PLS1: variants seen among roughly 807,000 people sequenced by gnomAD.
The protein encoded by PLS1 is plastin-1.
Under a neutral mutation model 73.7 loss-of-function variants are expected in PLS1, and 32 were observed. The observed-to-expected ratio is 0.43, with a 90% CI of 0.33 to 0.58. The LOEUF (loss-of-function observed/expected upper bound fraction) is 0.58, where lower values mean the gene tolerates loss of function less well. Ranked by LOEUF, PLS1 falls within the 20% of genes least tolerant of loss-of-function variation. The pLI is 0.04. For missense variants in PLS1, 633 were observed against 740.5 expected (o/e 0.85, Z 1.68); for synonymous variants, 217 against 261.3 (o/e 0.83, Z 1.63).
intron 1 of PLS1, among the ~76,000 whole-genome samples, chr3:142,610,699 G>A (rs1368533730): frequency 6.6e-6 from 1 of 152,074 alleles, no homozygotes; most frequent in East Asian, 1.9e-4. Flanking sequence ...AGAATGATAG[G>A]ATGACAAAGA....
chr3:142,671,357 T>C (rs2037600978), intron 4 of PLS1, among the ~76,000 whole-genome samples: 1 of 152,198 alleles, frequency 6.6e-6, no homozygotes, highest in Non-Finnish European at 1.5e-5. Flanking sequence ...GAGTTCCTGC[T>C]GTGTATCAGG....
intron 1 of PLS1, among the ~76,000 whole-genome samples, chr3:142,637,275 GAAGAA>G (rs1295937651): frequency 6.6e-6 from 1 of 152,098 alleles, no homozygotes; most frequent in Non-Finnish European, 1.5e-5. Flanking sequence ...AAAGAAGCCA[GAAGAA>G]AAGAGTATGT....
At chr3:142,708,967 C>A (rs7620319) in intron 14 of PLS1, among the ~76,000 whole-genome samples, 10,665 of 152,128 alleles carry the variant, frequency 0.07, 1,222 homozygotes, top group African/African-American at 0.24. Context: ...GGGAAAAATA[C>A]TTGTTTCCTA....
chr3:142,658,585 T>A (rs141392934), intron 1 of PLS1, among the ~76,000 whole-genome samples: 42 of 152,334 alleles, frequency 2.8e-4, no homozygotes, highest in African/African-American at 8.9e-4. Context: ...GTTATTCTCA[T>A]GTATGTTTAA....
intron 12 of PLS1, chr3:142,698,477 A>T (rs1267213431): frequency 6.6e-6 from 1 of 152,542 alleles, no homozygotes; most frequent in African/African-American, 2.4e-5. Flanking sequence ...GTTGGTCCTC[A>T]GGAAAGCCTA....
chr3:142,632,347 AAAC>A (rs2036583780), intron 1 of PLS1, among the ~76,000 whole-genome samples: 1 of 152,190 alleles, frequency 6.6e-6, no homozygotes, highest in African/African-American at 2.4e-5. Context: ...TCATAAGAGA[AAAC>A]AAATATGCAT....
chr3:142,690,454 T>G (rs866396342), intron 10 of PLS1, among the ~76,000 whole-genome samples: 7 of 152,204 alleles, frequency 4.6e-5, no homozygotes, highest in African/African-American at 1.4e-4. Context: ...GTTATTTCTC[T>G]CTTAATATGC....
intron 14 of PLS1, among the ~76,000 whole-genome samples, chr3:142,706,406 AGAGAAAGGG>A (rs2038463376): frequency 6.6e-6 from 1 of 152,152 alleles, no homozygotes; most frequent in African/African-American, 2.4e-5. Context: ...GAATTAGTGG[AGAGAAAGGG>A]GGATAACAAA....
intron 4 of PLS1, among the ~76,000 whole-genome samples, chr3:142,675,268 GA>G (rs1205693095): frequency 2.6e-5 from 4 of 152,082 alleles, no homozygotes; most frequent in Non-Finnish European, 5.9e-5. Context: ...TTAGCTTTCA[GA>G]AGCAATACAT....
intron 1 of PLS1, among the ~76,000 whole-genome samples, chr3:142,598,266 T>A (rs540882911): frequency 4.6e-5 from 7 of 152,218 alleles, no homozygotes; most frequent in Non-Finnish European, 8.8e-5. Flanking sequence ...GGTTAAAGCC[T>A]ATGACTTAAA....
At position 142,613,246 on chromosome 3, in the gene PLS1, G is replaced by A. The variant is rs546133598; in HGVS notation, c.-37+16737G>A. Among the ~76,000 whole-genome samples, 4 of 152,244 alleles carry A rather than the reference G, an allele frequency of 2.6e-5. No individual in the cohort carries two copies. In the South Asian group the frequency reaches 6.2e-4, roughly 24 times the overall value. ...TAATCCCAGCACTTTGAGATGCCAA[G>A]GAGGGCAGATCACTTGTGGCCAGGA... On this transcript the variant is annotated intron_variant, in intron 1 of 15. Transcript: ENST00000457734.
At chr3:142,605,870 A>G (rs188312142) in intron 1 of PLS1, among the ~76,000 whole-genome samples, 20 of 152,338 alleles carry the variant, frequency 1.3e-4, no homozygotes, top group Admixed American at 1.0e-3. Context: ...CTTCCTGCTA[A>G]TGTACATCTG....
At chr3:142,613,784 C>T (rs2036165098) in intron 1 of PLS1, among the ~76,000 whole-genome samples, 1 of 151,998 alleles carries the variant, frequency 6.6e-6, no homozygotes, top group Non-Finnish European at 1.5e-5. Context: ...TCTTTGTACA[C>T]TTTTATTGCA....
intron 12 of PLS1, among the ~76,000 whole-genome samples, chr3:142,702,492 T>C (rs2038351401): frequency 6.6e-6 from 1 of 152,244 alleles, no homozygotes; most frequent in Non-Finnish European, 1.5e-5. Context: ...TTTGTAATGG[T>C]ACCTTAACTA....
intron 1 of PLS1, among the ~76,000 whole-genome samples, chr3:142,649,391 T>C (rs905859780): frequency 7.0e-6 from 1 of 143,746 alleles, no homozygotes; most frequent in African/African-American, 2.6e-5. Context: ...ATCCCAGCAC[T>C]TTGGGAGGCT....
intron 11 of PLS1, among the ~76,000 whole-genome samples, chr3:142,697,274 C>G (rs577489638): frequency 8.5e-5 from 13 of 152,270 alleles, no homozygotes; most frequent in African/African-American, 3.1e-4. Context: ...CGAACACAAA[C>G]AGCTGCCTAC....
intron 1 of PLS1, among the ~76,000 whole-genome samples, chr3:142,616,803 T>C (rs533369612): frequency 6.6e-6 from 1 of 152,286 alleles, no homozygotes; most frequent in South Asian, 2.1e-4. Context: ...GGTTTCACCA[T>C]GTTGGCCAGG....
chr3:142,630,823 A>C (rs1277016426), intron 1 of PLS1, among the ~76,000 whole-genome samples: 2 of 152,128 alleles, frequency 1.3e-5, no homozygotes, highest in African/African-American at 4.8e-5. Flanking sequence ...TAGAGAGTGT[A>C]CAGTTCCTGC....
At chr3:142,626,718 G>A (rs1446375691) in intron 1 of PLS1, among the ~76,000 whole-genome samples, 5 of 152,150 alleles carry the variant, frequency 3.3e-5, no homozygotes, top group African/African-American at 1.2e-4. Flanking sequence ...GATTAGAGGT[G>A]TGTGTTCTAC....
Sources: gnomAD v4.1 joint callset for allele counts (sites outside exome capture counted in the v4.1 genomes callset) on GRCh38, gnomAD v4.1.1 for gene constraint, MANE v1.5 for transcripts, NCBI Gene and HGNC (gene_info 2026-07-23, HGNC 2026-07-21) for gene names.